Variants in TMEM175 observed in about 807,000 individuals in gnomAD.
TMEM175 encodes transmembrane protein 175.
In TMEM175, 36 loss-of-function variants were observed where a neutral mutation model predicts 36.5. The observed-to-expected ratio is 0.99, with a 90% CI of 0.76 to 1.30. TMEM175 has a LOEUF of 1.30. TMEM175 is among the 50% of genes most tolerant of loss of function. The pLI, the probability that TMEM175 is intolerant of heterozygous loss-of-function variation, is 0.00. For missense variants in TMEM175, 705 were observed against 692.8 expected, an observed-to-expected ratio of 1.02 and a Z score of -0.20; for synonymous variants, 339 against 313.4, an observed-to-expected ratio of 1.08 and a Z score of -0.86.
At chr4:942,882 C>T (rs1053449772) in intron 1 of TMEM175, among the ~76,000 whole-genome samples, 4 of 151,832 alleles carry the variant, frequency 2.6e-5, no homozygotes, top group South Asian at 4.2e-4. Flanking sequence ...TCAGGTGATC[C>T]GCCCGCCTCT....
chr4:957,123 A>C (rs1212731466), intron 10 of TMEM175, among the ~76,000 whole-genome samples: 2 of 152,148 alleles, frequency 1.3e-5, no homozygotes, highest in Admixed American at 6.5e-5. Flanking sequence ...CCCTCCCAGC[A>C]ACTTCCTGCC....
chr4:948,554 C>G (rs1268397063), intron 3 of TMEM175: 15 of 1,338,742 alleles, frequency 1.1e-5, no homozygotes, highest in Non-Finnish European at 1.4e-5. Flanking sequence ...TCTGAGTAAA[C>G]GCGGCCAGCG....
At chr4:941,672 G>T (rs1727524256) in intron 1 of TMEM175, among the ~76,000 whole-genome samples, 1 of 151,986 alleles carries the variant, frequency 6.6e-6, no homozygotes, top group South Asian at 2.1e-4. Flanking sequence ...CTGACATCAG[G>T]TGATCCGCCC....
intron 10 of TMEM175, chr4:956,748 T>TA (rs1313258178): frequency 3.1e-6 from 1 of 320,848 alleles, no homozygotes; most frequent in African/African-American, 2.2e-5. Context: ...CCGGCCATCG[T>TA]AATGTTTGAA....
chr4:947,970 T>C, intron 2 of TMEM175, 78 bp downstream of exon 2: 1 of 1,609,588 alleles, frequency 6.2e-7, no homozygotes, highest in Non-Finnish European at 8.5e-7. Flanking sequence ...CAGACCTGTC[T>C]AGGTCTTGCC....
chr4:947,884 A>G lies in TMEM175; in HGVS notation c.145A>G (p.Thr49Ala), dbSNP rs1225135644. 2.2e-5 allele frequency: 35 copies of G among 1,613,734 alleles called. No individual in the cohort carries two copies. Among genetic ancestry groups the G allele is most frequent in the Non-Finnish European group, 3.0e-5 (35 of 1,179,976 alleles). Residue 49 changes from threonine to alanine, a missense_variant, in exon 2 of 11, where the codon ACC (threonine) becomes GCC (alanine). Physicochemically the swap from Thr to Ala is moderately conservative, Grantham distance 58. Transcript: ENST00000264771. Reference sequence around the variant, plus strand: ...TGACGCCCTGCTGTCCATCATCGCCACCGTCATGGTCTGTACGGGGCCCCT... The same window carrying G: ...TGACGCCCTGCTGTCCATCATCGCCGCCGTCATGGTCTGTACGGGGCCCCT... ...FSDALLSIIA[T>A]VMILPVTHTE...
At chr4:940,848 A>G (rs1258337156) in intron 1 of TMEM175, among the ~76,000 whole-genome samples, 1 of 151,394 alleles carries the variant, frequency 6.6e-6, no homozygotes, top group Admixed American at 6.6e-5. Flanking sequence ...TTTACTAAAA[A>G]TACAAAAATT....
chr4:957,628 G>C (rs917920754), intron 10 of TMEM175, among the ~76,000 whole-genome samples, 196 bp from the exon 11 acceptor site: 2 of 152,348 alleles, frequency 1.3e-5, no homozygotes, highest in Admixed American at 6.5e-5. Context: ...TGGAATTTCA[G>C]ATGAACAGCA....
Position 941,399 on chromosome 4 carries a change from AAC to A in TMEM175, c.-31-6308_-31-6307del, listed in dbSNP as rs1727479331. Among the ~76,000 whole-genome samples the A allele has an allele frequency of 2.7e-5, 4 of 149,272 alleles. No homozygotes were observed. The South Asian group carries it at 8.4e-4, about 31-fold the overall frequency. The stretch of plus-strand genomic sequence containing the variant: ...CTCAAAAAAAAAAAAAAAAAAAAGA[AAC>A]AAAACAAAAAAAACTCTGTACTTTC... On this transcript the variant is annotated intron_variant, in intron 1 of 10. Transcript: ENST00000264771.
At chr4:949,276 G>T (rs922117921) in intron 3 of TMEM175, among the ~76,000 whole-genome samples, 1 of 152,200 alleles carries the variant, frequency 6.6e-6, no homozygotes, top group Non-Finnish European at 1.5e-5. Context: ...AACCTGCTCC[G>T]ACTTCTCTGC....
At chr4:952,223 A>G in intron 6 of TMEM175, 144 bp from the exon 7 acceptor site, 1 of 705,432 alleles carries the variant, frequency 1.4e-6, no homozygotes, top group Non-Finnish European at 2.4e-6. Flanking sequence ...GCCCCCCAGC[A>G]CCCAGCTGGC....
chr4:956,589 C>T (rs1339428453), intron 10 of TMEM175: 10 of 679,670 alleles, frequency 1.5e-5, no homozygotes, highest in Non-Finnish European at 2.1e-5. Flanking sequence ...ATTACAAGCA[C>T]CCACCACCAT....
rs373650043 is a variant in TMEM175 at position 953,274 on chromosome 4, C to T, written c.547C>T (p.Arg183Ter). 22 of 1,613,968 alleles carry T rather than the reference C, an allele frequency of 1.4e-5. No individual in the cohort carries two copies. Among genetic ancestry groups the T allele is most frequent in the East Asian group, 2.2e-5 (1 of 44,884 alleles). Residue 183 changes from arginine (R) to a stop codon, truncating the protein, a stop_gained, in exon 8 of 11, where the codon CGA (arginine) becomes TGA (stop). Coordinates refer to ENST00000264771, the MANE Select transcript of TMEM175 (RefSeq NM_032326.4). LOFTEE classifies it high-confidence loss of function. ...QRSAHRALYR[R>*]HVLGIVLQGP... is the part of the protein sequence containing the mutation. The stretch of plus-strand genomic sequence containing the variant: ...CTCTGCCCACAGGGCTCTGTACCGA[C>T]GACACGTCCTGGGCATCGTCCTCCA...
intron 10 of TMEM175, chr4:956,235 C>G: frequency 8.7e-7 from 1 of 1,145,838 alleles, no homozygotes; most frequent in Non-Finnish European, 1.1e-6. Context: ...GGCCTCACCC[C>G]TGCCCCAACA....
At position 953,141 on chromosome 4, in the gene TMEM175, G is replaced by C. The variant is rs755099593; in HGVS notation, c.463-49G>C. 6 of 1,539,628 alleles carry C rather than the reference G, an allele frequency of 3.9e-6. No homozygotes were observed. In the Admixed American group the frequency reaches 9.6e-5, roughly 25 times the overall value. ...AGCCCGGGGGTTGACTGCTGTGGGG[G>C]CCCCCTCTGCTCTTGGGGCCTGTGT... On this transcript the variant is annotated intron_variant, in intron 7 of 10. Coordinates refer to ENST00000264771, the MANE Select transcript of TMEM175 (RefSeq NM_032326.4).
intron 10 of TMEM175, 104 bp downstream of exon 10, chr4:955,994 C>G (rs913355894): frequency 1.0e-5 from 14 of 1,393,304 alleles, no homozygotes; most frequent in Non-Finnish European, 1.4e-5. Context: ...GGTCTTGGCT[C>G]CACCCTCCTC....
At chr4:933,345 A>G (rs982482374) in intron 1 of TMEM175, among the ~76,000 whole-genome samples, 4 of 152,106 alleles carry the variant, frequency 2.6e-5, no homozygotes, top group Admixed American at 2.0e-4. Flanking sequence ...CGTCTCTACT[A>G]AAAATACAAA....
rs1711534303 is a variant in TMEM175 at position 958,391 on chromosome 4, G to A, written c.1410G>A (p.Leu470=). The part of the protein sequence containing the change: ...LLLRLLVGLA[L]ATLRVLRGLA... ...TGCGCCTGCTCGTGGGCCTGGCCCT[G>A]GCCACCCTGCGGGTCCTGCGGGGCC... The change falls in exon 11 of 11, where the codon CTG becomes CTA. Residue 470 remains leucine (L), a synonymous_variant. Transcript: ENST00000264771. 6.2e-7 allele frequency: 1 copy of A among 1,601,678 alleles called. No individual in the cohort carries two copies. Among genetic ancestry groups the A allele is most frequent in the Non-Finnish European group, 8.5e-7 (1 of 1,179,622 alleles).
At chr4:944,207 C>T (rs1324564277) in intron 1 of TMEM175, among the ~76,000 whole-genome samples, 1 of 152,162 alleles carries the variant, frequency 6.6e-6, no homozygotes, top group African/African-American at 2.4e-5. Flanking sequence ...GCACAAGAAT[C>T]GCTTGAACCC....
Sources: allele counts gnomAD v4.1 joint callset (sites outside exome capture counted in the v4.1 genomes callset), GRCh38; gene constraint gnomAD v4.1.1; transcripts MANE v1.5; gene names NCBI Gene and HGNC (gene_info 2026-07-23, HGNC 2026-07-21).